PTPRK: variants seen among roughly 807,000 people sequenced by gnomAD.
PTPRK encodes the protein receptor-type tyrosine-protein phosphatase kappa.
Under a neutral mutation model 178.0 loss-of-function variants are expected in PTPRK, and 75 were observed. The ratio of observed to expected loss-of-function variants is 0.42; its 90% CI spans 0.35 to 0.51. PTPRK has a LOEUF of 0.51. PTPRK is among the 20% of genes least tolerant of loss of function. PTPRK has a pLI of 0.02. For synonymous variants in PTPRK, 637 were observed against 620.6 expected, an observed-to-expected ratio of 1.03 and a Z score of -0.39; for missense variants, 1,441 against 1,797.8, an observed-to-expected ratio of 0.80 and a Z score of 3.59.
chr6:128,459,675 A>T (rs1848793988), intron 1 of PTPRK, among the ~76,000 whole-genome samples: 2 of 152,226 alleles, frequency 1.3e-5, no homozygotes, highest in African/African-American at 2.4e-5. Flanking sequence ...CTAATAAACA[A>T]GACAATCATG....
chr6:128,330,092 T>C (rs567487915), intron 2 of PTPRK, among the ~76,000 whole-genome samples: 4 of 152,260 alleles, frequency 2.6e-5, no homozygotes, highest in South Asian at 4.1e-4. Flanking sequence ...ACAAAGAACA[T>C]GCCAGAAACT....
chr6:128,422,576 T>C (rs1021735980), intron 1 of PTPRK, among the ~76,000 whole-genome samples: 1 of 151,462 alleles, frequency 6.6e-6, no homozygotes, highest in Non-Finnish European at 1.5e-5. Context: ...TGATCTTTGT[T>C]TGTAATCAAA....
intron 7 of PTPRK, among the ~76,000 whole-genome samples, chr6:128,132,338 C>A (rs535548118): frequency 6.6e-6 from 1 of 152,286 alleles, no homozygotes; most frequent in African/African-American, 2.4e-5. Flanking sequence ...CCTCGCCCGG[C>A]TAATTTTTTG....
intron 13 of PTPRK, among the ~76,000 whole-genome samples, chr6:128,040,068 GA>G (rs1776913972): frequency 6.6e-6 from 1 of 152,134 alleles, no homozygotes; most frequent in Admixed American, 6.6e-5. Flanking sequence ...GGAAAGCCAA[GA>G]GAAAATGCCT....
At chr6:128,213,071 A>T (rs1808522189) in intron 6 of PTPRK, among the ~76,000 whole-genome samples, 1 of 152,042 alleles carries the variant, frequency 6.6e-6, no homozygotes, top group Non-Finnish European at 1.5e-5. Flanking sequence ...AAACATAGAT[A>T]CTATCTTTTT....
chr6:128,005,934 C>T, intron 14 of PTPRK: 2 of 1,007,426 alleles, frequency 2.0e-6, no homozygotes, highest in Admixed American at 3.4e-5. Context: ...TTTGAAATGT[C>T]ACCAAAATTG....
At chr6:128,206,434 G>A (rs1806984148) in intron 6 of PTPRK, among the ~76,000 whole-genome samples, 1 of 145,994 alleles carries the variant, frequency 6.8e-6, no homozygotes, top group South Asian at 2.1e-4. Flanking sequence ...AAATCAGAGT[G>A]TCTTACACTG....
chr6:127,973,934 G>A (rs1181592213), intron 27 of PTPRK, 107 bp from the exon 28 acceptor site: 1 of 1,086,160 alleles, frequency 9.2e-7, no homozygotes, highest in East Asian at 2.6e-5. Context: ...ACTGGATTGA[G>A]TCTAGCTGAT....
At chr6:128,439,918 T>C (rs1443543533) in intron 1 of PTPRK, among the ~76,000 whole-genome samples, 1 of 152,190 alleles carries the variant, frequency 6.6e-6, no homozygotes, top group East Asian at 1.9e-4. Context: ...TCCCACCCTA[T>C]CTTTTCCTTT....
chr6:128,229,826 A>T (rs1475964933), intron 5 of PTPRK, among the ~76,000 whole-genome samples: 1 of 152,208 alleles, frequency 6.6e-6, no homozygotes, highest in Non-Finnish European at 1.5e-5. Context: ...ATGATAGGGA[A>T]CCAACTCATT....
intron 13 of PTPRK, among the ~76,000 whole-genome samples, chr6:128,051,363 A>C (rs1347614492): frequency 6.6e-6 from 1 of 152,038 alleles, no homozygotes; most frequent in Non-Finnish European, 1.5e-5. Flanking sequence ...CAACCACTTT[A>C]TTTTCTCAGC....
At chr6:127,979,001 G>T (rs9388608) in intron 25 of PTPRK, among the ~76,000 whole-genome samples, 12,414 of 151,630 alleles carry the variant, frequency 0.082, 680 homozygotes, top group East Asian at 0.25. Context: ...TCTTTTTTTT[G>T]AATCACAGGG....
chr6:128,026,998 T>G (rs1482654981), intron 13 of PTPRK, among the ~76,000 whole-genome samples: 1 of 152,084 alleles, frequency 6.6e-6, no homozygotes, highest in African/African-American at 2.4e-5. Flanking sequence ...AAAAGACAAT[T>G]CACTCCTTTT....
chr6:128,033,971 C>A (rs1278740240), intron 13 of PTPRK, among the ~76,000 whole-genome samples: 5 of 152,032 alleles, frequency 3.3e-5, no homozygotes, highest in East Asian at 1.9e-4. Context: ...AAAGAGGATG[C>A]GGACACCTCA....
intron 6 of PTPRK, among the ~76,000 whole-genome samples, chr6:128,206,406 TAAAAAA>T (rs60030807): frequency 8.3e-6 from 1 of 120,608 alleles, no homozygotes; most frequent in African/African-American, 3.1e-5. Flanking sequence ...GGGTGTTCAT[TAAAAAA>T]AAAAAAAAAA....
intron 1 of PTPRK, among the ~76,000 whole-genome samples, chr6:128,482,141 C>G (rs1339425550): frequency 6.6e-6 from 1 of 152,114 alleles, no homozygotes; most frequent in Non-Finnish European, 1.5e-5. Flanking sequence ...AAAATTGACT[C>G]TGCCGGCCCT....
chr6:128,256,183 T>C (rs1362924854), intron 3 of PTPRK, among the ~76,000 whole-genome samples: 1 of 152,138 alleles, frequency 6.6e-6, no homozygotes, highest in Non-Finnish European at 1.5e-5. Flanking sequence ...CACAGTTATA[T>C]GTGATAAAGC....
At chr6:128,077,562 A>C (rs1427839601) in intron 11 of PTPRK, among the ~76,000 whole-genome samples, 1 of 150,160 alleles carries the variant, frequency 6.7e-6, no homozygotes, top group Non-Finnish European at 1.5e-5. Flanking sequence ...CACGAAGTCA[A>C]ATGTATTCCT....
chr6:128,094,560 G>A (rs1272711238), intron 7 of PTPRK, among the ~76,000 whole-genome samples: 2 of 152,050 alleles, frequency 1.3e-5, no homozygotes, highest in Admixed American at 6.6e-5. Flanking sequence ...ACAGATTGGG[G>A]GGTAAAATGA....
Sources: allele counts gnomAD v4.1 joint callset (sites outside exome capture counted in the v4.1 genomes callset), GRCh38; gene constraint gnomAD v4.1.1; transcripts MANE v1.5; gene names NCBI Gene and HGNC (gene_info 2026-07-23, HGNC 2026-07-21).